Variants in SYTL3 observed in about 807,000 individuals in gnomAD.
SYTL3 encodes the protein synaptotagmin-like protein 3.
Under a neutral mutation model 82.1 loss-of-function variants are expected in SYTL3, and 88 were observed. The observed-to-expected ratio is 1.07, with a 90% CI of 0.90 to 1.28. SYTL3 has a LOEUF of 1.28. Ranked by LOEUF, SYTL3 falls within the 50% of genes most tolerant of loss-of-function variation. SYTL3 has a pLI of 0.00. For missense variants in SYTL3, 831 were observed against 757.6 expected (o/e 1.10, Z -1.14); for synonymous variants, 311 against 289.4 (o/e 1.07, Z -0.76).
At chr6:158,681,442 T>G (rs1562369574) in intron 5 of SYTL3, among the ~76,000 whole-genome samples, 1 of 152,040 alleles carries the variant, frequency 6.6e-6, no homozygotes, top group Non-Finnish European at 1.5e-5. Flanking sequence ...TCACAAGTGG[T>G]CTGCTCAGGT....
intron 11 of SYTL3, among the ~76,000 whole-genome samples, chr6:158,733,565 G>T (rs771091464): frequency 3.7e-4 from 56 of 151,790 alleles, no homozygotes; most frequent in Non-Finnish European, 7.1e-4. Context: ...CTGACCTCGT[G>T]ATCCGCCCTC....
intron 12 of SYTL3, among the ~76,000 whole-genome samples, chr6:158,748,749 G>A (rs545981592): frequency 2.2e-4 from 34 of 151,916 alleles, no homozygotes; most frequent in African/African-American, 7.7e-4. Context: ...GGAGGCTGAG[G>A]CAGGAGAATC....
chr6:158,744,457 G>A (rs1033748943), intron 11 of SYTL3, among the ~76,000 whole-genome samples: 33 of 151,220 alleles, frequency 2.2e-4, no homozygotes, highest in African/African-American at 8.0e-4. Flanking sequence ...TAGCTGGGAC[G>A]CCACCATGCC....
intron 14 of SYTL3, among the ~76,000 whole-genome samples, chr6:158,757,736 A>G (rs927973454): frequency 2.6e-5 from 4 of 152,184 alleles, no homozygotes; most frequent in African/African-American, 7.2e-5. Context: ...GCCCGCAGCT[A>G]TGCGGTCCCC....
chr6:158,760,842 T>C, intron 15 of SYTL3, 97 bp downstream of exon 15: 2 of 988,802 alleles, frequency 2.0e-6, no homozygotes, highest in Non-Finnish European at 3.2e-6. Flanking sequence ...TTTCTAGCAT[T>C]TCCTTTCTAC....
In SYTL3 at chr6:158,657,584, A is replaced by G. The variant is rs1267693545; in HGVS notation, c.-636-3685A>G. ...TAGGCATACTTTGTCTTGGAAAAAT[A>G]GACTATGACTCTGTCTCAAAAGAAA... is the stretch of plus-strand genomic sequence containing the variant. On this transcript the variant is annotated intron_variant, in intron 2 of 17. Transcript: ENST00000611299. Among the ~76,000 whole-genome samples the G allele has an allele frequency of 2.4e-4, 37 of 152,238 alleles. 1 individual carries two copies. Among genetic ancestry groups the G allele is most frequent in the Admixed American group, 2.4e-3 (37 of 15,276 alleles).
At chr6:158,744,280 C>A (rs116782288) in intron 11 of SYTL3, among the ~76,000 whole-genome samples, 5,642 of 137,072 alleles carry the variant, frequency 0.041, 393 homozygotes, top group African/African-American at 0.15. Context: ...TGCCCCCAGG[C>A]TTGTTTTTTT....
intron 7 of SYTL3, 124 bp from the exon 8 acceptor site, chr6:158,708,198 G>T: frequency 1.1e-6 from 1 of 877,680 alleles, no homozygotes. Context: ...TCCAAAAAGT[G>T]AGGCAGTTTA....
chr6:158,709,601 A>G (rs1782535192), intron 8 of SYTL3, among the ~76,000 whole-genome samples: 1 of 152,166 alleles, frequency 6.6e-6, no homozygotes, highest in African/African-American at 2.4e-5. Flanking sequence ...TGCCATGGAA[A>G]TATATTGTCT....
intron 15 of SYTL3, 53 bp downstream of exon 15, chr6:158,760,798 TGGTG>T: frequency 4.9e-6 from 7 of 1,419,268 alleles, no homozygotes; most frequent in Non-Finnish European, 7.0e-6. Flanking sequence ...CTGCAGAGCC[TGGTG>T]CTGCAGGCAG....
At chr6:158,700,082 C>T (rs546368748) in intron 6 of SYTL3, among the ~76,000 whole-genome samples, 1 of 151,814 alleles carries the variant, frequency 6.6e-6, no homozygotes, top group South Asian at 2.1e-4. Context: ...ATGGAGAAAC[C>T]CCTTCTCTAC....
chr6:158,664,224 T>G (rs1464476904), intron 4 of SYTL3, among the ~76,000 whole-genome samples: 3 of 152,206 alleles, frequency 2.0e-5, no homozygotes, highest in Non-Finnish European at 4.4e-5. Flanking sequence ...GCTTTCTAAG[T>G]GCACTTGTAA....
intron 8 of SYTL3, among the ~76,000 whole-genome samples, chr6:158,711,170 A>G (rs1038451563): frequency 2.6e-5 from 4 of 152,208 alleles, no homozygotes; most frequent in African/African-American, 9.7e-5. Flanking sequence ...TACTTTTGCA[A>G]CACCAATACT....
At chr6:158,667,259 T>C (rs1216753577) in intron 5 of SYTL3, among the ~76,000 whole-genome samples, 3 of 152,226 alleles carry the variant, frequency 2.0e-5, no homozygotes, top group Non-Finnish European at 4.4e-5. Context: ...TAGTGAGTCT[T>C]GTGTCCCAGG....
In SYTL3 at chr6:158,668,153, G is replaced by A. The variant is rs191391145; in HGVS notation, c.329+2540G>A. Reference sequence around the variant, plus strand: ...TGAAGATGGCAACCCAGGTCCCCCCGGCCCCCAGGCCTCCTTCTGAATCTC... The same window carrying A: ...TGAAGATGGCAACCCAGGTCCCCCCAGCCCCCAGGCCTCCTTCTGAATCTC... On this transcript the variant is annotated intron_variant, in intron 5 of 17. Transcript: ENST00000611299. Among the ~76,000 whole-genome samples, 469 of 152,298 alleles carry A rather than the reference G, an allele frequency of 3.1e-3. 5 individuals are homozygous for A. The highest frequency in any genetic ancestry group is 0.01 in the African/African-American group (417 of 41,558).
At chr6:158,675,653 A>C (rs1777948166) in intron 5 of SYTL3, among the ~76,000 whole-genome samples, 1 of 151,964 alleles carries the variant, frequency 6.6e-6, no homozygotes, top group Non-Finnish European at 1.5e-5. Flanking sequence ...ATCTCTACTA[A>C]AAACACAAAA....
At chr6:158,712,460 C>T (rs1782860198) in intron 8 of SYTL3, among the ~76,000 whole-genome samples, 1 of 152,142 alleles carries the variant, frequency 6.6e-6, no homozygotes, top group Admixed American at 6.5e-5. Context: ...CCCTTGTCAA[C>T]CTGTACCCAT....
chr6:158,686,204 T>C (rs575260805), intron 6 of SYTL3, among the ~76,000 whole-genome samples: 11 of 152,344 alleles, frequency 7.2e-5, no homozygotes, highest in African/African-American at 2.6e-4. Context: ...GACTGATGTC[T>C]TAGGGTTTTC....
intron 12 of SYTL3, among the ~76,000 whole-genome samples, chr6:158,750,259 G>T (rs991884474): frequency 1.3e-5 from 2 of 152,088 alleles, no homozygotes; most frequent in Non-Finnish European, 2.9e-5. Flanking sequence ...AAACCAAGGG[G>T]GTGATAAATA....
Sources: gnomAD v4.1 joint callset for allele counts (sites outside exome capture counted in the v4.1 genomes callset) on GRCh38, gnomAD v4.1.1 for gene constraint, MANE v1.5 for transcripts, NCBI Gene and HGNC (gene_info 2026-07-23, HGNC 2026-07-21) for gene names.